NOX4: variants seen among roughly 807,000 people sequenced by gnomAD.
NOX4 encodes the protein kidney oxidase-1.
NOX4 carries 69 observed loss-of-function variants against 87.6 expected under a neutral mutation model. The observed-to-expected ratio is 0.79, with a 90% CI of 0.65 to 0.96. The LOEUF (loss-of-function observed/expected upper bound fraction) is 0.96. NOX4 is among the 40% of genes least tolerant of loss of function. The pLI is 0.00. For synonymous variants in NOX4, 275 were observed against 238.2 expected (o/e 1.15, Z -1.42); for missense variants, 680 against 681.5 (o/e 1.00, Z 0.02).
chr11:89,496,901 T>A (rs1946960348), upstream of NOX4, among the ~76,000 whole-genome samples: 1 of 152,228 alleles, frequency 6.6e-6, no homozygotes, highest in African/African-American at 2.4e-5. Flanking sequence ...TTCATTCTAA[T>A]TTTATACATG....
chr11:89,540,456 G>C, the NOX4 span, among the ~76,000 whole-genome samples: 76 of 150,716 alleles, frequency 5.0e-4, no homozygotes, highest in Admixed American at 1.7e-3. Flanking sequence ...AACTCTTGCT[G>C]CCCCTTTTTG....
At chr11:89,561,429 A>C in the NOX4 span, among the ~76,000 whole-genome samples, 7 of 152,180 alleles carry the variant, frequency 4.6e-5, no homozygotes, top group Admixed American at 3.9e-4. Flanking sequence ...TGAACAATCT[A>C]TACAACTGTC....
intron 8 of NOX4, 123 bp downstream of exon 8, chr11:89,421,779 G>T (rs1251852042): frequency 3.5e-6 from 2 of 565,310 alleles, no homozygotes; most frequent in Non-Finnish European, 6.3e-6. Context: ...CTCAATAGTA[G>T]AGAAACTATT....
At chr11:89,411,976 C>T (rs1051667032) in intron 8 of NOX4, among the ~76,000 whole-genome samples, 3 of 152,028 alleles carry the variant, frequency 2.0e-5, no homozygotes, top group African/African-American at 7.2e-5. Context: ...GATGGAAAAA[C>T]ATATTCCATG....
chr11:89,341,124 C>CTTT (rs994563200), intron 14 of NOX4, among the ~76,000 whole-genome samples: 8 of 123,938 alleles, frequency 6.5e-5, no homozygotes, highest in African/African-American at 1.6e-4. Flanking sequence ...ACAATTTCAC[C>CTTT]TTTTTTTTTT....
chr11:89,458,145 C>A (rs1320019177), intron 2 of NOX4, among the ~76,000 whole-genome samples: 3 of 152,178 alleles, frequency 2.0e-5, no homozygotes, highest in Admixed American at 6.5e-5. Context: ...CTCACATTAC[C>A]TGACTTCGAA....
At chr11:89,362,173 G>GACACACACACACACACACACACAC (rs148208109) in intron 12 of NOX4, among the ~76,000 whole-genome samples, 1 of 146,920 alleles carries the variant, frequency 6.8e-6, no homozygotes, top group African/African-American at 2.5e-5. Context: ...CACAGACACA[G>GACACACACACACACACACACACAC]ACACACACAC....
the NOX4 span, among the ~76,000 whole-genome samples, chr11:89,570,000 TCAA>T: frequency 1.2e-5 from 1 of 80,448 alleles, no homozygotes. Context: ...AGACTCTGTC[TCAA>T]AAAAAAAAAA....
chr11:89,536,658 T>C, the NOX4 span, among the ~76,000 whole-genome samples: 3 of 152,234 alleles, frequency 2.0e-5, no homozygotes, highest in Admixed American at 6.5e-5. Flanking sequence ...GTAGCACTAT[T>C]ATTACTACTT....
At chr11:89,483,080 G>T (rs964137738) in intron 2 of NOX4, among the ~76,000 whole-genome samples, 1 of 152,042 alleles carries the variant, frequency 6.6e-6, no homozygotes, top group Non-Finnish European at 1.5e-5. Context: ...CCTAATCTAA[G>T]CTTCTTAATT....
chr11:89,503,048 A>C (rs917593437), upstream of NOX4, among the ~76,000 whole-genome samples: 1 of 151,960 alleles, frequency 6.6e-6, no homozygotes, highest in African/African-American at 2.4e-5. Flanking sequence ...CTTTATCTTT[A>C]TTTCTTTGTC....
upstream of NOX4, among the ~76,000 whole-genome samples, chr11:89,498,534 G>A (rs542906): frequency 0.87 from 131,785 of 152,150 alleles, 57,418 homozygotes; most frequent in Non-Finnish European, 0.92. Flanking sequence ...ATTCACATAC[G>A]AATGAAAATA....
At chr11:89,414,830 C>A (rs1942674692) in intron 8 of NOX4, among the ~76,000 whole-genome samples, 1 of 151,670 alleles carries the variant, frequency 6.6e-6, no homozygotes, top group Non-Finnish European at 1.5e-5. Context: ...AATTGAACTT[C>A]TGATTCAAAA....
the NOX4 span, among the ~76,000 whole-genome samples, chr11:89,509,987 G>A: frequency 1.3e-5 from 2 of 152,066 alleles, no homozygotes; most frequent in Admixed American, 6.6e-5. Context: ...CTCCATTAAT[G>A]GAGGTAATTT....
chr11:89,429,943 G>C (rs1045428999), intron 7 of NOX4, among the ~76,000 whole-genome samples: 3 of 151,970 alleles, frequency 2.0e-5, no homozygotes, highest in Non-Finnish European at 4.4e-5. Context: ...AACATCGATG[G>C]AAAAATCCTC....
chr11:89,345,975 G>C, intron 13 of NOX4, among the ~76,000 whole-genome samples: 1 of 152,102 alleles, frequency 6.6e-6, no homozygotes, highest in East Asian at 1.9e-4. Flanking sequence ...AGAAAGGAAA[G>C]GCATCCAAAT....
chr11:89,537,155 T>A, the NOX4 span, among the ~76,000 whole-genome samples: 1 of 152,144 alleles, frequency 6.6e-6, no homozygotes, highest in African/African-American at 2.4e-5. Flanking sequence ...TGTTTAAAAA[T>A]ATAAAGACAG....
intron 4 of NOX4, 50 bp downstream of exon 4, chr11:89,449,389 AT>A: frequency 7.4e-7 from 1 of 1,358,878 alleles, no homozygotes; most frequent in Admixed American, 1.9e-5. Context: ...GAATGTTTAC[AT>A]TTAAATGTGT....
the NOX4 span, among the ~76,000 whole-genome samples, chr11:89,536,264 A>C: frequency 3.0e-3 from 443 of 146,780 alleles, 1 homozygote; most frequent in African/African-American, 0.011. Flanking sequence ...CTCCTGCCTC[A>C]GTCTTCCGAG....
Sources: allele counts gnomAD v4.1 joint callset (sites outside exome capture counted in the v4.1 genomes callset), GRCh38; gene constraint gnomAD v4.1.1; transcripts MANE v1.5; gene names NCBI Gene and HGNC (gene_info 2026-07-23, HGNC 2026-07-21).